The following STAU2 variants were observed in gnomAD, a reference collection of about 807,000 sequenced individuals.
STAU2 encodes staufen double-stranded RNA binding protein 2, also known as double-stranded RNA-binding protein Staufen homolog 2.
A neutral mutation model predicts 65.9 loss-of-function variants in STAU2; 20 were observed. That is an observed-to-expected ratio of 0.30 (90% CI 0.21 to 0.44). The LOEUF (loss-of-function observed/expected upper bound fraction) is 0.44, where lower values mean the gene tolerates loss of function less well. Ranked by LOEUF, STAU2 falls within the 20% of genes least tolerant of loss-of-function variation. STAU2 has a pLI of 1.00. For missense variants in STAU2, 558 were observed against 683.9 expected (o/e 0.82, Z 2.05); for synonymous variants, 232 against 233.9 (o/e 0.99, Z 0.07).
chr8:73,422,460 T>C (rs1227707404), intron 14 of STAU2, among the ~76,000 whole-genome samples, 154 bp downstream of exon 14: 2 of 152,206 alleles, frequency 1.3e-5, no homozygotes, highest in African/African-American at 4.8e-5. Context: ...TGGCCATATA[T>C]ACTGGTTTTC....
intron 13 of STAU2, among the ~76,000 whole-genome samples, chr8:73,436,397 A>T (rs1479508720): frequency 6.6e-6 from 1 of 151,422 alleles, no homozygotes; most frequent in East Asian, 1.9e-4. Context: ...TCCGTCCCAA[A>T]TTTCTCTCCT....
At chr8:73,471,674 C>T (rs953944911) in intron 13 of STAU2, among the ~76,000 whole-genome samples, 8 of 151,786 alleles carry the variant, frequency 5.3e-5, no homozygotes, top group East Asian at 3.9e-4. Flanking sequence ...CAAAATTAGC[C>T]GGGCATGATG....
chr8:73,502,096 A>G (rs1821791867), intron 13 of STAU2, among the ~76,000 whole-genome samples: 1 of 151,932 alleles, frequency 6.6e-6, no homozygotes, highest in Admixed American at 6.6e-5. Flanking sequence ...TTTTATGGCT[A>G]ATAATTGGGC....
At chr8:73,469,573 G>A (rs1819862429) in intron 13 of STAU2, among the ~76,000 whole-genome samples, 1 of 151,896 alleles carries the variant, frequency 6.6e-6, no homozygotes, top group African/African-American at 2.4e-5. Flanking sequence ...GCAAAAGAGA[G>A]GTCACTGAAT....
chr8:73,658,320 A>G (rs1816543017), intron 6 of STAU2, among the ~76,000 whole-genome samples: 1 of 151,974 alleles, frequency 6.6e-6, no homozygotes, highest in African/African-American at 2.4e-5. Flanking sequence ...GTGAGCGAAG[A>G]TCGTGCTATT....
chr8:73,720,606 G>A (rs1415826298), intron 3 of STAU2, among the ~76,000 whole-genome samples: 7 of 81,492 alleles, frequency 8.6e-5, no homozygotes, highest in Admixed American at 1.5e-4. Context: ...TCCGCTTCCC[G>A]GGTTCACGCC....
chr8:73,595,957 C>T (rs940489548), intron 10 of STAU2, among the ~76,000 whole-genome samples: 5 of 151,892 alleles, frequency 3.3e-5, no homozygotes, highest in African/African-American at 1.2e-4. Flanking sequence ...ACTAAAAATA[C>T]AAAAATTAGC....
intron 6 of STAU2, among the ~76,000 whole-genome samples, chr8:73,644,279 A>G (rs774197488): frequency 9.9e-5 from 15 of 152,262 alleles, no homozygotes; most frequent in Non-Finnish European, 1.6e-4. Flanking sequence ...AGAAAAATTC[A>G]TAACACTAAA....
At chr8:73,683,755 G>A (rs1385303614) in intron 5 of STAU2, among the ~76,000 whole-genome samples, 1 of 152,132 alleles carries the variant, frequency 6.6e-6, no homozygotes, top group Non-Finnish European at 1.5e-5. Flanking sequence ...AATGAATTCA[G>A]TAAAGTTTCA....
At chr8:73,443,933 C>T (rs1349263542) in intron 13 of STAU2, among the ~76,000 whole-genome samples, 2 of 151,978 alleles carry the variant, frequency 1.3e-5, no homozygotes, top group Non-Finnish European at 2.9e-5. Context: ...CACTCCAGAA[C>T]CTCAGTGATT....
At chr8:73,479,995 A>AGAT (rs1318846874) in intron 13 of STAU2, among the ~76,000 whole-genome samples, 1 of 152,010 alleles carries the variant, frequency 6.6e-6, no homozygotes, top group Non-Finnish European at 1.5e-5. Flanking sequence ...GACACCATCT[A>AGAT]GATGACATAG....
chr8:73,600,153 TTAAACA>T (rs982909303), intron 10 of STAU2, among the ~76,000 whole-genome samples: 4 of 152,092 alleles, frequency 2.6e-5, no homozygotes, highest in Admixed American at 1.3e-4. Flanking sequence ...AAATACAAAC[TTAAACA>T]TAAACAATGT....
At chr8:73,444,637 C>T (rs936455088) in intron 13 of STAU2, among the ~76,000 whole-genome samples, 15 of 152,078 alleles carry the variant, frequency 9.9e-5, no homozygotes, top group African/African-American at 3.6e-4. Context: ...ATTGTAAGTT[C>T]CTAGAACAGG....
chr8:73,554,522 T>C (rs950464416), intron 12 of STAU2, among the ~76,000 whole-genome samples: 4 of 152,208 alleles, frequency 2.6e-5, no homozygotes, highest in African/African-American at 9.7e-5. Flanking sequence ...GGAGGGTGGT[T>C]GTCCTGATTG....
chr8:73,422,745 G>A (rs772601153), intron 13 of STAU2, 43 bp from the exon 14 acceptor site: 4 of 1,280,556 alleles, frequency 3.1e-6, no homozygotes, highest in Non-Finnish European at 4.1e-6. Flanking sequence ...ACTGACTCTA[G>A]TGTAATGAAC....
At chr8:73,433,940 C>T (rs558066166) in intron 13 of STAU2, among the ~76,000 whole-genome samples, 43 of 151,976 alleles carry the variant, frequency 2.8e-4, no homozygotes, top group African/African-American at 8.5e-4. Context: ...AGAATCGTAG[C>T]GCCCCAGATG....
intron 13 of STAU2, among the ~76,000 whole-genome samples, chr8:73,530,085 C>G (rs1484579777): frequency 3.3e-5 from 5 of 152,078 alleles, no homozygotes; most frequent in Admixed American, 1.3e-4. Context: ...AGGACAAAGG[C>G]CAAAACCTAG....
At chr8:73,432,232 T>C (rs891818364) in intron 13 of STAU2, among the ~76,000 whole-genome samples, 3 of 152,238 alleles carry the variant, frequency 2.0e-5, no homozygotes, top group Admixed American at 2.0e-4. Flanking sequence ...TGGGAGCTGA[T>C]CTAACTGCTA....
At chr8:73,642,338 C>T (rs1371502678) in intron 6 of STAU2, among the ~76,000 whole-genome samples, 1 of 152,086 alleles carries the variant, frequency 6.6e-6, no homozygotes, top group Non-Finnish European at 1.5e-5. Flanking sequence ...TCCTGGCCAA[C>T]ATGGTGAAAC....
Sources: allele counts gnomAD v4.1 joint callset (sites outside exome capture counted in the v4.1 genomes callset), GRCh38; gene constraint gnomAD v4.1.1; transcripts MANE v1.5; gene names NCBI Gene and HGNC (gene_info 2026-07-23, HGNC 2026-07-21).